The following CSGALNACT1 variants were observed in gnomAD, a reference collection of about 807,000 sequenced individuals.
CSGALNACT1 encodes the protein beta4GalNAcT-1.
Under a neutral mutation model 51.0 loss-of-function variants are expected in CSGALNACT1, and 52 were observed. The ratio of observed to expected loss-of-function variants is 1.02; its 90% confidence interval spans 0.82 to 1.29. The LOEUF (loss-of-function observed/expected upper bound fraction) is 1.29. CSGALNACT1 is among the 50% of genes most tolerant of loss of function. CSGALNACT1 has a pLI of 0.00. For synonymous variants in CSGALNACT1, 341 were observed against 254.4 expected (o/e 1.34, Z -3.24); for missense variants, 935 against 679.2 (o/e 1.38, Z -4.19).
At chr8:19,697,174 A>G (rs2061628245) in intron 1 of CSGALNACT1, among the ~76,000 whole-genome samples, 1 of 152,122 alleles carries the variant, frequency 6.6e-6, no homozygotes, top group Non-Finnish European at 1.5e-5. Context: ...AAAGAGACCA[A>G]ATAAGAGGCA....
At chr8:19,602,924 T>G (rs1302808657), upstream of CSGALNACT1, among the ~76,000 whole-genome samples, 1 of 151,774 alleles carries the variant, frequency 6.6e-6, no homozygotes, top group Non-Finnish European at 1.5e-5. Flanking sequence ...CCATCTGTCT[T>G]TATTATTCGA....
intron 3 of CSGALNACT1, among the ~76,000 whole-genome samples, chr8:19,516,068 C>G (rs896558084): frequency 6.6e-6 from 1 of 152,188 alleles, no homozygotes; most frequent in Non-Finnish European, 1.5e-5. Context: ...GGTGCCGGTT[C>G]TCACCCCAAA....
At chr8:19,567,317 G>C (rs1341118552) in intron 3 of CSGALNACT1, among the ~76,000 whole-genome samples, 1 of 152,226 alleles carries the variant, frequency 6.6e-6, no homozygotes, top group Admixed American at 6.5e-5. Flanking sequence ...AGGAAAAAGA[G>C]TAGAAGGATC....
At chr8:19,405,738 A>G (rs1414880364) in exon 10 of CSGALNACT1, 2 of 1,613,306 alleles carry the variant, frequency 1.2e-6, no homozygotes, top group Non-Finnish European at 1.7e-6. Context: ...AGTAATTGCA[A>G]AAGGAAAGAA....
intron 1 of CSGALNACT1, among the ~76,000 whole-genome samples, chr8:19,706,359 G>C (rs1431274924): frequency 6.6e-6 from 1 of 152,192 alleles, no homozygotes; most frequent in Non-Finnish European, 1.5e-5. Flanking sequence ...CATCCTCAAA[G>C]GAAGTGTTAC....
intron 4 of CSGALNACT1, among the ~76,000 whole-genome samples, chr8:19,485,759 CTTTTTTT>C (rs386412239): frequency 1.3e-4 from 5 of 38,544 alleles, no homozygotes; most frequent in African/African-American, 2.0e-4. Context: ...CCTCAGCTTG[CTTTTTTT>C]TTTTTTTTTT....
At chr8:19,576,394 T>A (rs1040846928) in intron 3 of CSGALNACT1, among the ~76,000 whole-genome samples, 4 of 152,158 alleles carry the variant, frequency 2.6e-5, no homozygotes, top group African/African-American at 9.7e-5. Flanking sequence ...GGTTTCATTA[T>A]GTTGGCCAGG....
rs141852295 is a variant in CSGALNACT1, at chr8:19,735,012, G to T, written c.-297+22838C>A. Reference sequence around the variant, plus strand: ...GATCTTGCTATCCAGGAAATCAATGGTAGTGAGCCACTTAGAAGGGACAAG... The same window carrying T: ...GATCTTGCTATCCAGGAAATCAATGTTAGTGAGCCACTTAGAAGGGACAAG... On this transcript the variant is annotated intron_variant, in intron 1 of 1. Coordinates refer to the CSGALNACT1 transcript ENST00000517494. 6.6e-4 allele frequency among the ~76,000 whole-genome samples: 101 copies of T among 152,192 alleles called. 2 individuals are homozygous for T. The highest frequency in any genetic ancestry group is 2.3e-3 in the African/African-American group (97 of 41,522).
intron 3 of CSGALNACT1, among the ~76,000 whole-genome samples, chr8:19,528,569 G>A (rs2082159954): frequency 6.7e-6 from 1 of 148,596 alleles, no homozygotes; most frequent in African/African-American, 2.6e-5. Context: ...AAGATTTACT[G>A]AGATACCTTA....
chr8:19,448,869 A>C (rs2062600166), intron 5 of CSGALNACT1, among the ~76,000 whole-genome samples: 2 of 152,238 alleles, frequency 1.3e-5, no homozygotes, highest in Non-Finnish European at 2.9e-5. Context: ...CTCTATCTGT[A>C]GTCTTCTGTG....
chr8:19,528,642 C>A (rs188754336), intron 3 of CSGALNACT1, among the ~76,000 whole-genome samples: 9 of 152,168 alleles, frequency 5.9e-5, no homozygotes, highest in Non-Finnish European at 1.2e-4. Flanking sequence ...CTTAAACCCA[C>A]CCCCAAATCA....
chr8:19,643,657 G>A (rs2056970268), intron 1 of CSGALNACT1, among the ~76,000 whole-genome samples: 1 of 151,752 alleles, frequency 6.6e-6, no homozygotes, highest in Non-Finnish European at 1.5e-5. Context: ...AAAAAAGTGT[G>A]GAAAGTTTCT....
In CSGALNACT1 at chr8:19,563,149, C is replaced by G. The variant is rs547735662; in HGVS notation, c.-297+28011G>C. Among the ~76,000 whole-genome samples, 16 of 152,170 alleles carry G rather than the reference C, an allele frequency of 1.1e-4. No individual in the cohort carries two copies. In the South Asian group the frequency reaches 3.3e-3, roughly 32 times the overall value. Reference sequence around the variant, plus strand: ...ACAGGGACATGGACGGAGCTAGAAGCCATTAACCTTAGCAAACTAATGCAG... The same window carrying G: ...ACAGGGACATGGACGGAGCTAGAAGGCATTAACCTTAGCAAACTAATGCAG... On this transcript the variant is annotated intron_variant, in intron 3 of 9. Coordinates refer to ENST00000454498, the Ensembl canonical transcript of CSGALNACT1.
intron 1 of CSGALNACT1, among the ~76,000 whole-genome samples, chr8:19,755,972 G>T (rs1296263559): frequency 6.6e-6 from 1 of 152,102 alleles, no homozygotes; most frequent in East Asian, 1.9e-4. Flanking sequence ...CCAACACCTA[G>T]TCCCCTGTGT....
intron 1 of CSGALNACT1, among the ~76,000 whole-genome samples, chr8:19,621,149 T>C (rs2053773890): frequency 6.6e-6 from 1 of 152,218 alleles, no homozygotes; most frequent in South Asian, 2.1e-4. Flanking sequence ...TAGTGACGTC[T>C]GTTTAATTTT....
At chr8:19,470,105 G>C (rs2067775935) in intron 4 of CSGALNACT1, among the ~76,000 whole-genome samples, 1 of 152,186 alleles carries the variant, frequency 6.6e-6, no homozygotes, top group African/African-American at 2.4e-5. Context: ...CAGATGCAGG[G>C]ACGGAGTGAG....
chr8:19,541,162 C>G (rs548184138), intron 3 of CSGALNACT1, among the ~76,000 whole-genome samples: 42 of 152,046 alleles, frequency 2.8e-4, no homozygotes, highest in African/African-American at 9.9e-4. Context: ...TCACTGCAAC[C>G]TTTGCCTCCC....
At chr8:19,643,835 C>T (rs1301160411) in intron 1 of CSGALNACT1, among the ~76,000 whole-genome samples, 1 of 152,170 alleles carries the variant, frequency 6.6e-6, no homozygotes, top group Non-Finnish European at 1.5e-5. Context: ...CTGCTGGCTG[C>T]AGTGGAAATT....
chr8:19,577,501 T>C (rs1378011324), intron 3 of CSGALNACT1, among the ~76,000 whole-genome samples: 1 of 151,472 alleles, frequency 6.6e-6, no homozygotes, highest in Non-Finnish European at 1.5e-5. Flanking sequence ...TTCAAGGTTA[T>C]AGTGATCTGC....
Sources: allele counts gnomAD v4.1 joint callset (sites outside exome capture counted in the v4.1 genomes callset), GRCh38; gene constraint gnomAD v4.1.1; transcripts MANE v1.5; gene names NCBI Gene and HGNC (gene_info 2026-07-23, HGNC 2026-07-21).